LRBA: variants seen among roughly 807,000 people sequenced by gnomAD.
LRBA encodes LPS responsive beige-like anchor protein, also known as lipopolysaccharide-responsive and beige-like anchor protein.
LRBA carries 176 observed loss-of-function variants against 330.0 expected under a neutral mutation model. The observed-to-expected ratio is 0.53, with a 90% CI of 0.47 to 0.60. The LOEUF (loss-of-function observed/expected upper bound fraction) is 0.60, where lower values mean the gene tolerates loss of function less well. Ranked by LOEUF, LRBA falls within the 20% of genes least tolerant of loss-of-function variation. The pLI is 0.00. For missense variants in LRBA, 3,259 were observed against 3,444.8 expected (o/e 0.95, Z 1.35); for synonymous variants, 1,230 against 1,193.0 (o/e 1.03, Z -0.64).
At chr4:150,972,462 CTT>C (rs1739687092) in intron 2 of LRBA, among the ~76,000 whole-genome samples, 1 of 152,138 alleles carries the variant, frequency 6.6e-6, no homozygotes, top group African/African-American at 2.4e-5. Flanking sequence ...TAAATCAACT[CTT>C]TCTCATAGTG....
intron 31 of LRBA, among the ~76,000 whole-genome samples, chr4:150,813,396 C>T (rs1331490613): frequency 6.6e-6 from 1 of 151,810 alleles, no homozygotes. Context: ...TAGACTAGTC[C>T]TTTTGGTTGA....
chr4:150,582,516 CGAA>C, intron 40 of LRBA: 1 of 159,430 alleles, frequency 6.3e-6, no homozygotes, highest in South Asian at 1.8e-4. Flanking sequence ...CTACACTGAG[CGAA>C]GAAGTCCTAT....
chr4:150,452,223 T>C (rs927283201), intron 44 of LRBA, among the ~76,000 whole-genome samples: 14 of 152,150 alleles, frequency 9.2e-5, no homozygotes, highest in African/African-American at 3.4e-4. Context: ...ATCTGGTTTA[T>C]CACAGAAAGG....
intron 50 of LRBA, among the ~76,000 whole-genome samples, chr4:150,316,309 A>G (rs1202095765): frequency 3.3e-5 from 5 of 152,176 alleles, no homozygotes; most frequent in Non-Finnish European, 7.3e-5. Flanking sequence ...CTATCCTAAG[A>G]ATACTTTGTT....
intron 41 of LRBA, 49 bp downstream of exon 41, chr4:150,490,869 A>C: frequency 9.4e-7 from 1 of 1,067,748 alleles, no homozygotes; most frequent in African/African-American, 1.6e-5. Context: ...ATGAAATCTT[A>C]AAGAGATGGA....
chr4:150,799,606 G>C (rs574576675), intron 33 of LRBA, among the ~76,000 whole-genome samples: 2 of 152,298 alleles, frequency 1.3e-5, no homozygotes, highest in African/African-American at 2.4e-5. Flanking sequence ...ATTGGGCCCT[G>C]ATGGGCCCTT....
intron 2 of LRBA, among the ~76,000 whole-genome samples, chr4:150,993,014 G>C (rs1426925933): frequency 6.6e-6 from 1 of 152,110 alleles, no homozygotes; most frequent in East Asian, 1.9e-4. Flanking sequence ...GGGTGCAGTG[G>C]CTCACACCTA....
intron 36 of LRBA, among the ~76,000 whole-genome samples, chr4:150,731,667 G>A (rs188893990): frequency 6.6e-6 from 1 of 152,264 alleles, no homozygotes; most frequent in East Asian, 1.9e-4. Flanking sequence ...CAGAGAGACA[G>A]TAGAAGGATG....
chr4:150,754,762 T>C (rs1348119121), intron 35 of LRBA, among the ~76,000 whole-genome samples: 2 of 151,988 alleles, frequency 1.3e-5, no homozygotes, highest in African/African-American at 4.8e-5. Flanking sequence ...AAAAAAAAAT[T>C]ACAATAAAAA....
intron 40 of LRBA, among the ~76,000 whole-genome samples, chr4:150,492,644 C>A (rs995229560): frequency 6.6e-6 from 1 of 152,096 alleles, no homozygotes; most frequent in African/African-American, 2.4e-5. Context: ...AATCAGATCA[C>A]ATCATTCCTA....
At chr4:150,322,058 T>C (rs750256907) in intron 49 of LRBA, among the ~76,000 whole-genome samples, 5 of 152,186 alleles carry the variant, frequency 3.3e-5, no homozygotes, top group African/African-American at 1.2e-4. Flanking sequence ...CACTGCCTAT[T>C]GTAATGCAAA....
intron 2 of LRBA, among the ~76,000 whole-genome samples, chr4:151,001,263 C>G (rs1743293002): frequency 6.6e-6 from 1 of 152,176 alleles, no homozygotes; most frequent in Non-Finnish European, 1.5e-5. Flanking sequence ...GACCGCCGAC[C>G]TAGGCTGCCA....
At chr4:150,575,521 T>C (rs1441677871) in intron 40 of LRBA, among the ~76,000 whole-genome samples, 1 of 151,920 alleles carries the variant, frequency 6.6e-6, no homozygotes, top group Non-Finnish European at 1.5e-5. Flanking sequence ...AAATGGCTAG[T>C]GCTCCTAAAG....
At chr4:150,358,210 G>C (rs903812844) in intron 47 of LRBA, among the ~76,000 whole-genome samples, 3 of 152,154 alleles carry the variant, frequency 2.0e-5, no homozygotes, top group Non-Finnish European at 4.4e-5. Context: ...GTTCTAGATT[G>C]TGCTTCATGA....
intron 37 of LRBA, among the ~76,000 whole-genome samples, chr4:150,625,239 A>G (rs1416888034): frequency 6.6e-6 from 1 of 152,168 alleles, no homozygotes; most frequent in Non-Finnish European, 1.5e-5. Context: ...ATCCCCCACA[A>G]TCACCTTTTG....
intron 2 of LRBA, among the ~76,000 whole-genome samples, chr4:150,939,141 GA>G (rs1006539041): frequency 2.6e-5 from 4 of 152,104 alleles, no homozygotes; most frequent in African/African-American, 9.7e-5. Flanking sequence ...GTGCCACTAT[GA>G]CACTTTGCCA....
At chr4:150,420,214 T>A (rs367601921) in intron 46 of LRBA, among the ~76,000 whole-genome samples, 1 of 149,200 alleles carries the variant, frequency 6.7e-6, no homozygotes. Flanking sequence ...CCAGCCTGGG[T>A]GACAGAGTGA....
intron 35 of LRBA, among the ~76,000 whole-genome samples, chr4:150,754,226 G>T (rs1356404589): frequency 6.6e-6 from 1 of 152,016 alleles, no homozygotes; most frequent in African/African-American, 2.4e-5. Context: ...ACCTGACCAT[G>T]TCAGTACTTT....
intron 36 of LRBA, among the ~76,000 whole-genome samples, chr4:150,729,274 T>C (rs1260259735): frequency 6.6e-6 from 1 of 152,200 alleles, no homozygotes. Flanking sequence ...TGACTGTCAC[T>C]GCAACCCAGC....
Sources: gnomAD v4.1 joint callset for allele counts (sites outside exome capture counted in the v4.1 genomes callset) on GRCh38, gnomAD v4.1.1 for gene constraint, MANE v1.5 for transcripts, NCBI Gene and HGNC (gene_info 2026-07-23, HGNC 2026-07-21) for gene names.